ABCB5: variants seen among roughly 807,000 people sequenced by gnomAD.
ABCB5 encodes ATP-binding cassette sub-family B member 5.
A neutral mutation model predicts 144.2 loss-of-function variants in ABCB5; 155 were observed. That is an observed-to-expected ratio of 1.08 (90% CI 0.94 to 1.23). ABCB5 has a LOEUF of 1.23. Among genes scored for constraint, ABCB5 ranks in the 50% most tolerant of loss-of-function variants. ABCB5 has a pLI of 0.00. For missense variants in ABCB5, 1,830 were observed against 1,520.8 expected, an observed-to-expected ratio of 1.20 and a Z score of -3.38; for synonymous variants, 610 against 528.6, an observed-to-expected ratio of 1.15 and a Z score of -2.11.
intron 1 of ABCB5, among the ~76,000 whole-genome samples, chr7:20,621,640 T>A (rs892789935): frequency 6.6e-6 from 1 of 152,102 alleles, no homozygotes; most frequent in Admixed American, 6.5e-5. Flanking sequence ...AAATATATGA[T>A]CTAATAGGGT....
chr7:20,674,556 A>G (rs1356661798), intron 14 of ABCB5, among the ~76,000 whole-genome samples: 2 of 151,870 alleles, frequency 1.3e-5, no homozygotes, highest in Non-Finnish European at 2.9e-5. Flanking sequence ...TCACAAATAT[A>G]AGGTTTTTAT....
chr7:20,665,768 G>GAGATAC (rs375425769), intron 14 of ABCB5, among the ~76,000 whole-genome samples: 19,617 of 123,970 alleles, frequency 0.16, 1,528 homozygotes, highest in East Asian at 0.18. Flanking sequence ...GATAGATAGA[G>GAGATAC]ATACATACAT....
chr7:20,700,600 T>C (rs1786587695), intron 19 of ABCB5, among the ~76,000 whole-genome samples: 1 of 152,242 alleles, frequency 6.6e-6, no homozygotes, highest in Non-Finnish European at 1.5e-5. Flanking sequence ...AGAAGAGTCC[T>C]GAACTCAGAT....
At chr7:20,722,237 G>A (rs1355396189) in intron 20 of ABCB5, among the ~76,000 whole-genome samples, 1 of 152,210 alleles carries the variant, frequency 6.6e-6, no homozygotes, top group East Asian at 1.9e-4. Context: ...ATGCACAAAT[G>A]AGTTGTTGTA....
intron 26 of ABCB5, among the ~76,000 whole-genome samples, chr7:20,746,877 C>A (rs1476086814): frequency 6.6e-6 from 1 of 152,166 alleles, no homozygotes; most frequent in African/African-American, 2.4e-5. Flanking sequence ...AAGTTTCTAT[C>A]TCACTTTAAA....
chr7:20,739,486 AG>A (rs1782493577), intron 24 of ABCB5, among the ~76,000 whole-genome samples: 1 of 152,232 alleles, frequency 6.6e-6, no homozygotes, highest in African/African-American at 2.4e-5. Flanking sequence ...AAGAGTTAAA[AG>A]TTTGTGCAAA....
At chr7:20,663,023 T>G (rs1178772723) in intron 14 of ABCB5, among the ~76,000 whole-genome samples, 1 of 152,164 alleles carries the variant, frequency 6.6e-6, no homozygotes, top group Non-Finnish European at 1.5e-5. Context: ...TTCTCCTGTT[T>G]TACAGTTGAG....
chr7:20,729,701 T>C (rs1259003409), intron 23 of ABCB5, among the ~76,000 whole-genome samples: 3 of 152,198 alleles, frequency 2.0e-5, no homozygotes, highest in Admixed American at 6.5e-5. Context: ...GAGAAATCCA[T>C]ACAATACTTG....
chr7:20,710,692 GTATT>G (rs1458382651), intron 20 of ABCB5, among the ~76,000 whole-genome samples: 1 of 149,730 alleles, frequency 6.7e-6, no homozygotes, highest in African/African-American at 2.5e-5. Flanking sequence ...TTGTGTGTCT[GTATT>G]TAGAGTGTGA....
intron 20 of ABCB5, among the ~76,000 whole-genome samples, chr7:20,713,609 A>G (rs1781571151): frequency 6.7e-6 from 1 of 149,774 alleles, no homozygotes. Context: ...TTACATTTCT[A>G]TAAATATTCT....
intron 23 of ABCB5, among the ~76,000 whole-genome samples, chr7:20,738,374 T>C (rs1225043265): frequency 2.0e-5 from 3 of 152,194 alleles, no homozygotes; most frequent in Admixed American, 2.0e-4. Context: ...AATTAACATG[T>C]TTTGAAACTG....
chr7:20,625,987 A>G (rs113070133), intron 2 of ABCB5, among the ~76,000 whole-genome samples: 8 of 152,360 alleles, frequency 5.3e-5, no homozygotes, highest in African/African-American at 1.9e-4. Flanking sequence ...TACAATGTGG[A>G]TGAAACATGA....
intron 22 of ABCB5, 62 bp downstream of exon 22, chr7:20,727,202 A>C: frequency 8.3e-7 from 1 of 1,201,054 alleles, no homozygotes; most frequent in Non-Finnish European, 1.2e-6. Flanking sequence ...CAGTACTCTC[A>C]AATGACTCCA....
intron 20 of ABCB5, among the ~76,000 whole-genome samples, chr7:20,710,380 A>AAG (rs1786986535): frequency 2.8e-5 from 2 of 71,392 alleles, no homozygotes; most frequent in Non-Finnish European, 5.2e-5. Flanking sequence ...AAAAAAAAAA[A>AAG]AGTGGGGGGG....
At chr7:20,717,156 T>C (rs2128047902) in intron 20 of ABCB5, among the ~76,000 whole-genome samples, 1 of 152,220 alleles carries the variant, frequency 6.6e-6, no homozygotes, top group African/African-American at 2.4e-5. Context: ...TCACCGGTTG[T>C]CTAGTCCATA....
chr7:20,714,190 T>C (rs1272288018), intron 20 of ABCB5, among the ~76,000 whole-genome samples: 3 of 152,220 alleles, frequency 2.0e-5, no homozygotes, highest in South Asian at 2.1e-4. Flanking sequence ...TCCTACCATA[T>C]GGCATTTTAT....
intron 5 of ABCB5, among the ~76,000 whole-genome samples, chr7:20,638,994 C>T (rs1442637964): frequency 6.6e-6 from 1 of 152,146 alleles, no homozygotes; most frequent in East Asian, 1.9e-4. Flanking sequence ...CTGAGGGTTC[C>T]AGTTTCTCCA....
intron 14 of ABCB5, among the ~76,000 whole-genome samples, chr7:20,680,995 TTTCTTTCTTTCTTTCTTTCTTTC>T (rs1785780238): frequency 5.6e-5 from 1 of 17,982 alleles, no homozygotes; most frequent in African/African-American, 2.0e-4. Flanking sequence ...TCTTTCTTTC[TTTCTTTCTTTCTTTCTTTCTTTC>T]TTTCTTTCTT....
intron 16 of ABCB5, among the ~76,000 whole-genome samples, chr7:20,686,839 A>C (rs545697604): frequency 2.0e-5 from 3 of 151,978 alleles, no homozygotes; most frequent in Non-Finnish European, 4.4e-5. Flanking sequence ...CTTCATGCCC[A>C]CTTTCCTTGG....
Sources: gnomAD v4.1 joint callset for allele counts (sites outside exome capture counted in the v4.1 genomes callset) on GRCh38, gnomAD v4.1.1 for gene constraint, MANE v1.5 for transcripts, NCBI Gene and HGNC (gene_info 2026-07-23, HGNC 2026-07-21) for gene names.